Variants in ZCCHC7 observed in about 807,000 individuals in gnomAD.
ZCCHC7 encodes zinc finger CCHC domain-containing protein 7.
In ZCCHC7, 35 loss-of-function variants were observed where a neutral mutation model predicts 52.0. The ratio of observed to expected loss-of-function variants is 0.67; its 90% CI spans 0.51 to 0.89. The LOEUF is 0.89. ZCCHC7 is among the 40% of genes least tolerant of loss of function. The pLI, the probability that ZCCHC7 is intolerant of heterozygous loss-of-function variation, is 0.00. For synonymous variants in ZCCHC7, 217 were observed against 221.5 expected (o/e 0.98, Z 0.18); for missense variants, 574 against 649.1 (o/e 0.88, Z 1.26).
chr9:37,282,394 G>A lies in ZCCHC7; in HGVS notation c.611-19794G>A, dbSNP rs143050622. Among the ~76,000 whole-genome samples, 956 of 152,098 alleles carry A rather than the reference G, an allele frequency of 6.3e-3. 4 individuals carry two copies. Among genetic ancestry groups the A allele is most frequent in the African/African-American group, 0.022 (896 of 41,502 alleles). On this transcript the variant is annotated intron_variant, in intron 2 of 8. Coordinates refer to ENST00000336755, the MANE Select transcript of ZCCHC7 (RefSeq NM_032226.3). ...CGAGACAGGCGGATCACTAGGTCAA[G>A]GAGATCAAGACCATCCTGGCTAACA...
chr9:37,278,454 CAGAA>C (rs563842903), intron 2 of ZCCHC7, among the ~76,000 whole-genome samples: 147 of 152,054 alleles, frequency 9.7e-4, no homozygotes, highest in African/African-American at 3.4e-3. Flanking sequence ...ATCTGAAAAA[CAGAA>C]AGAAAACTTT....
intron 4 of ZCCHC7, among the ~76,000 whole-genome samples, chr9:37,305,081 T>TG (rs1829236118): frequency 6.6e-6 from 1 of 152,240 alleles, no homozygotes. Flanking sequence ...AGACGTTTCC[T>TG]GACCAGATAA....
intron 6 of ZCCHC7, among the ~76,000 whole-genome samples, chr9:37,337,979 C>G (rs1022638559): frequency 6.6e-6 from 1 of 152,310 alleles, no homozygotes; most frequent in Admixed American, 6.5e-5. Context: ...TAAACTTAAA[C>G]TAACATTTTT....
At chr9:37,227,028 C>CAAAA in intron 2 of ZCCHC7, among the ~76,000 whole-genome samples, 1 of 92,632 alleles carries the variant, frequency 1.1e-5, no homozygotes. Flanking sequence ...GACTCCGTCT[C>CAAAA]AAAAAAAAAA....
chr9:37,253,466 G>T (rs755342213), intron 2 of ZCCHC7, among the ~76,000 whole-genome samples: 1 of 151,712 alleles, frequency 6.6e-6, no homozygotes. Flanking sequence ...TTATTTTACC[G>T]ATCCACTTTT....
intron 2 of ZCCHC7, among the ~76,000 whole-genome samples, chr9:37,269,138 G>C (rs963941633): frequency 6.6e-6 from 1 of 152,234 alleles, no homozygotes. Flanking sequence ...ATTGTGGCTT[G>C]AAAGAGTGTG....
At chr9:37,290,150 A>G (rs1008480167) in intron 2 of ZCCHC7, among the ~76,000 whole-genome samples, 15 of 152,328 alleles carry the variant, frequency 9.8e-5, no homozygotes, top group African/African-American at 2.9e-4. Flanking sequence ...AAGGAAAGCA[A>G]TGTCTATTTT....
chr9:37,254,085 A>G (rs956089122), intron 2 of ZCCHC7, among the ~76,000 whole-genome samples: 3 of 152,020 alleles, frequency 2.0e-5, no homozygotes, highest in Non-Finnish European at 4.4e-5. Context: ...CCCATTAATG[A>G]TGGTGTGAGT....
intron 2 of ZCCHC7, among the ~76,000 whole-genome samples, chr9:37,180,660 G>C (rs1050231627): frequency 6.6e-6 from 1 of 152,018 alleles, no homozygotes; most frequent in African/African-American, 2.4e-5. Context: ...ATATTGGCTT[G>C]TCTGTTACTG....
chr9:37,260,341 A>G (rs924657872), intron 2 of ZCCHC7, among the ~76,000 whole-genome samples: 5 of 152,194 alleles, frequency 3.3e-5, no homozygotes, highest in African/African-American at 1.2e-4. Flanking sequence ...CGTCTGTCCC[A>G]GGTATTCACA....
chr9:37,269,367 A>G (rs1424635050), intron 2 of ZCCHC7, among the ~76,000 whole-genome samples: 2 of 152,142 alleles, frequency 1.3e-5, no homozygotes, highest in East Asian at 3.9e-4. Flanking sequence ...CAGAAATACC[A>G]GTTAAGAGGC....
At chr9:37,288,075 T>G (rs1402384447) in intron 2 of ZCCHC7, among the ~76,000 whole-genome samples, 2 of 151,924 alleles carry the variant, frequency 1.3e-5, no homozygotes, top group African/African-American at 2.4e-5. Context: ...GCCCAAAAAT[T>G]TGAGACCAGC....
intron 2 of ZCCHC7, among the ~76,000 whole-genome samples, chr9:37,200,449 A>C (rs1467004050): frequency 6.6e-6 from 1 of 152,198 alleles, no homozygotes; most frequent in East Asian, 1.9e-4. Context: ...AATCTTAAAA[A>C]GCTATAATCC....
rs571013051 is a variant in ZCCHC7 at position 37,167,723 on chromosome 9, G to A, written c.610+40781G>A. The stretch of plus-strand genomic sequence containing the variant: ...CCAAGAAATGGCTTAATCCTTTTGG[G>A]CCTTGCGTTTAAGATTTGCTAGGTG... On this transcript the variant is annotated intron_variant, in intron 2 of 8. Coordinates refer to ENST00000336755, the MANE Select transcript of ZCCHC7 (RefSeq NM_032226.3). Among the ~76,000 whole-genome samples the A allele has an allele frequency of 2.0e-5, 3 of 152,206 alleles. No individual in the cohort carries two copies. The South Asian group carries it at 6.2e-4, about 32-fold the overall frequency.
intron 5 of ZCCHC7, among the ~76,000 whole-genome samples, chr9:37,310,527 T>C (rs1829538296): frequency 6.6e-6 from 1 of 152,170 alleles, no homozygotes; most frequent in Admixed American, 6.6e-5. Flanking sequence ...GTAGGTACTA[T>C]TTATTACTCC....
In ZCCHC7 at chr9:37,334,644, A is replaced by G. The variant is rs553500459; in HGVS notation, c.987+6810A>G. On this transcript the variant is annotated intron_variant, in intron 6 of 8. Transcript: ENST00000336755. The stretch of plus-strand genomic sequence containing the variant: ...AATTTATCAGTCATTTGATCCCTAT[A>G]TATCAGAAATTCAAGGGTGTTATGT... Among the ~76,000 whole-genome samples, 24 of 152,118 alleles carry G rather than the reference A, an allele frequency of 1.6e-4. No homozygotes were observed. In the East Asian group the frequency reaches 4.6e-3, roughly 29 times the overall value.
At chr9:37,256,224 ATGC>A (rs1423730727) in intron 2 of ZCCHC7, among the ~76,000 whole-genome samples, 2 of 152,172 alleles carry the variant, frequency 1.3e-5, no homozygotes, top group African/African-American at 4.8e-5. Flanking sequence ...TCAAAAACAC[ATGC>A]CAAGTGTTGT....
chr9:37,312,782 G>T (rs1243805690), intron 5 of ZCCHC7, among the ~76,000 whole-genome samples: 2 of 152,140 alleles, frequency 1.3e-5, no homozygotes, highest in Non-Finnish European at 2.9e-5. Flanking sequence ...TTTAAGAAAT[G>T]ATAAAATTAA....
chr9:37,150,879 A>G (rs1820479930), intron 2 of ZCCHC7, among the ~76,000 whole-genome samples: 1 of 151,912 alleles, frequency 6.6e-6, no homozygotes, highest in East Asian at 1.9e-4. Context: ...AGAAAGTTAC[A>G]GTTTTTCTGA....
Sources: gnomAD v4.1 joint callset for allele counts (sites outside exome capture counted in the v4.1 genomes callset) on GRCh38, gnomAD v4.1.1 for gene constraint, MANE v1.5 for transcripts, NCBI Gene and HGNC (gene_info 2026-07-23, HGNC 2026-07-21) for gene names.